The following HIBCH variants were observed in gnomAD, a reference collection of about 807,000 sequenced individuals.
HIBCH encodes 3-hydroxyisobutyryl-CoA hydrolase.
Under a neutral mutation model 58.2 loss-of-function variants are expected in HIBCH, and 50 were observed. The ratio of observed to expected loss-of-function variants is 0.86; its 90% CI spans 0.68 to 1.09. The LOEUF (loss-of-function observed/expected upper bound fraction) is 1.09. Ranked by LOEUF, HIBCH falls within the 50% of genes least tolerant of loss-of-function variation. The pLI, the probability that HIBCH is intolerant of heterozygous loss-of-function variation, is 0.00. For synonymous variants in HIBCH, 151 were observed against 146.9 expected, an observed-to-expected ratio of 1.03 and a Z score of -0.20; for missense variants, 450 against 449.7, an observed-to-expected ratio of 1.00 and a Z score of -0.01.
chr2:190,277,651 TA>T (rs1227955724), intron 6 of HIBCH, among the ~76,000 whole-genome samples: 1 of 152,168 alleles, frequency 6.6e-6, no homozygotes, highest in African/African-American at 2.4e-5. Flanking sequence ...AGTAAGAAAA[TA>T]AACTGAAACC....
intron 5 of HIBCH, among the ~76,000 whole-genome samples, chr2:190,288,174 T>TAAAA (rs72480573): frequency 0.21 from 31,116 of 144,780 alleles, 3,623 homozygotes; most frequent in Middle Eastern, 0.25. Flanking sequence ...TTTTTTTTTT[T>TAAAA]AAAAAAAGGA....
chr2:190,285,268 G>C (rs1366233203), intron 6 of HIBCH, among the ~76,000 whole-genome samples: 2 of 152,018 alleles, frequency 1.3e-5, no homozygotes, highest in African/African-American at 2.4e-5. Context: ...TGTTTTAATG[G>C]GGTCACATTT....
At chr2:190,270,863 A>G (rs1245076472) in intron 6 of HIBCH, among the ~76,000 whole-genome samples, 1 of 152,146 alleles carries the variant, frequency 6.6e-6, no homozygotes, top group Admixed American at 6.6e-5. Context: ...TATTGATTAT[A>G]TAATAATGTA....
intron 2 of HIBCH, among the ~76,000 whole-genome samples, chr2:190,301,893 T>A (rs1255813522): frequency 6.6e-6 from 1 of 152,138 alleles, no homozygotes; most frequent in African/African-American, 2.4e-5. Flanking sequence ...CCTGTGACAG[T>A]GGGGTGCTCA....
chr2:190,266,422 A>G (rs945954994), intron 6 of HIBCH, among the ~76,000 whole-genome samples: 2 of 152,044 alleles, frequency 1.3e-5, no homozygotes, highest in Non-Finnish European at 2.9e-5. Flanking sequence ...TGTTTACAAG[A>G]TTAGTCATTT....
At chr2:190,192,490 G>GTGTGTATC (rs57541264) in intron 1 of HIBCH, among the ~76,000 whole-genome samples, 1 of 144,302 alleles carries the variant, frequency 6.9e-6, no homozygotes, top group Non-Finnish European at 1.5e-5. Context: ...GTGTGTGTGT[G>GTGTGTATC]TATCTATATA....
chr2:190,310,809 T>G lies in HIBCH; in HGVS notation c.36-13A>C. 1.3e-6 allele frequency: 2 copies of G among 1,581,080 alleles called. No individual in the cohort carries two copies. Among genetic ancestry groups the G allele is most frequent in the Non-Finnish European group, 1.7e-6 (2 of 1,149,978 alleles). ...GAATGCATTAAACCTGAAACAAATGTGGAAAACAATGAGAACAGTAATGTG... is the reference window on the plus strand; with the variant it reads ...GAATGCATTAAACCTGAAACAAATGGGGAAAACAATGAGAACAGTAATGTG... On this transcript the variant is annotated splice_polypyrimidine_tract_variant and intron_variant, in intron 1 of 13. Coordinates refer to ENST00000359678, the MANE Select transcript of HIBCH (RefSeq NM_014362.4).
In HIBCH at chr2:190,254,336, G is replaced by A. The variant is rs291406; in HGVS notation, c.518-2029C>T. Among the ~76,000 whole-genome samples, 4,166 of 152,236 alleles carry A rather than the reference G, an allele frequency of 0.027. 101 individuals carry two copies. Among genetic ancestry groups the A allele is most frequent in the East Asian group, 0.14 (698 of 5,168 alleles). On this transcript the variant is annotated intron_variant, in intron 7 of 13. Coordinates refer to ENST00000359678, the MANE Select transcript of HIBCH (RefSeq NM_014362.4). This position sits in a 1 kb window ranked among gnomAD's most constrained non-coding sequence, Gnocchi z 5.0. ...AGAGAAAAGGCCACATGAGGACAGA[G>A]CAAGAAGGCAGCAGTCTATTAGCCA...
chr2:190,246,371 T>C (rs1686608630), intron 9 of HIBCH, among the ~76,000 whole-genome samples, 159 bp from the exon 10 acceptor site: 2 of 152,198 alleles, frequency 1.3e-5, no homozygotes, highest in Non-Finnish European at 2.9e-5. Flanking sequence ...ATGATCAAAA[T>C]TCAGACAGCA....
At chr2:190,290,533 C>A (rs561973602) in intron 4 of HIBCH, 48 bp from the exon 5 acceptor site, 2 of 1,138,914 alleles carry the variant, frequency 1.8e-6, no homozygotes, top group South Asian at 2.5e-5. Flanking sequence ...TAATAGTCAA[C>A]ATTGTCAACT....
intron 5 of HIBCH, among the ~76,000 whole-genome samples, chr2:190,288,381 T>C (rs1436788433): frequency 6.6e-6 from 1 of 151,122 alleles, no homozygotes; most frequent in East Asian, 1.9e-4. Flanking sequence ...AGAAAAAGCA[T>C]CTTAAAGAAT....
intron 6 of HIBCH, among the ~76,000 whole-genome samples, chr2:190,277,944 T>C (rs1201233181): frequency 6.6e-6 from 1 of 152,204 alleles, no homozygotes; most frequent in Non-Finnish European, 1.5e-5. Flanking sequence ...AGTGTTAAAT[T>C]TGTATGAAGA....
rs1364718798 is a variant in HIBCH at position 190,259,318 on chromosome 2, G to GGTGTGT, written c.517+1837_517+1838insACACAC. ...AAAGTTTTGTAGTTTTCAGTATACA[G>GGTGTGT]ATGTGTGTGTGTGTGTGTGTGTGTG... On this transcript the variant is annotated intron_variant, in intron 7 of 13. Coordinates refer to ENST00000359678, the MANE Select transcript of HIBCH (RefSeq NM_014362.4). Among the ~76,000 whole-genome samples, 145 of 71,278 alleles carry GGTGTGT rather than the reference G, an allele frequency of 2.0e-3. 2 individuals are homozygous for GGTGTGT. The highest frequency in any genetic ancestry group is 4.0e-3 in the Admixed American group (23 of 5,752). 46.8% of individuals were successfully genotyped at this position (71,278 alleles called of 152,430 possible). A position where few individuals can be genotyped will look rare whatever the true frequency, so the allele number is the denominator to read the frequency against.
chr2:190,249,020 T>C (rs1477028479), intron 9 of HIBCH, among the ~76,000 whole-genome samples: 1 of 152,184 alleles, frequency 6.6e-6, no homozygotes, highest in Non-Finnish European at 1.5e-5. Context: ...TTGGTTTAAG[T>C]TAGCAGCACT....
intron 1 of HIBCH, among the ~76,000 whole-genome samples, chr2:190,316,229 C>T (rs1688707521): frequency 6.6e-6 from 1 of 152,106 alleles, no homozygotes; most frequent in South Asian, 2.1e-4. Context: ...TCAAATGCAG[C>T]CTCAATCTCC....
At chr2:190,256,282 G>A (rs1686920027) in intron 7 of HIBCH, among the ~76,000 whole-genome samples, 1 of 151,980 alleles carries the variant, frequency 6.6e-6, no homozygotes, top group Non-Finnish European at 1.5e-5. Context: ...ATAGAGAACA[G>A]TACTGGGAAC....
intron 1 of HIBCH, among the ~76,000 whole-genome samples, chr2:190,195,198 A>G (rs1009172151): frequency 6.6e-6 from 1 of 152,158 alleles, no homozygotes; most frequent in African/African-American, 2.4e-5. Flanking sequence ...TCCATTGTTT[A>G]GATGTGCCAC....
At chr2:190,229,493 C>A (rs768807077) in intron 11 of HIBCH, among the ~76,000 whole-genome samples, 20 of 152,136 alleles carry the variant, frequency 1.3e-4, no homozygotes, top group Non-Finnish European at 2.8e-4. Flanking sequence ...AAACCAAATT[C>A]ACTATTTCTA....
rs1314670940 is a variant in HIBCH, at chr2:190,205,039, A to T, written c.*78T>A. On this transcript the variant is annotated 3_prime_UTR_variant, in exon 14 of 14. Coordinates refer to ENST00000359678, the MANE Select transcript of HIBCH (RefSeq NM_014362.4). ...CTTAGCTTACAGGGTATATAAAAAC[A>T]GGCAGCAGGCTGGATTTGGCCCACA... The T allele has an allele frequency of 1.2e-5, 9 of 760,866 alleles. No homozygotes were observed. Among genetic ancestry groups the T allele is most frequent in the Non-Finnish European group, 1.9e-5 (8 of 421,320 alleles). The allele number at this position is 760,866 out of a possible 1,614,324, so 47.1% of individuals were successfully genotyped here.
Sources: allele counts gnomAD v4.1 joint callset (sites outside exome capture counted in the v4.1 genomes callset), GRCh38; gene constraint gnomAD v4.1.1; non-coding constraint Gnocchi (gnomAD v3.1); transcripts MANE v1.5; gene names NCBI Gene and HGNC (gene_info 2026-07-23, HGNC 2026-07-21).